The following FGFR1 variants were observed in gnomAD, a reference collection of about 807,000 sequenced individuals.
FGFR1 encodes FGFR1/PLAG1 fusion.
In FGFR1, 18 loss-of-function variants were observed where a neutral mutation model predicts 93.7. The ratio of observed to expected loss-of-function variants is 0.19; its 90% confidence interval spans 0.13 to 0.28. FGFR1 has a LOEUF of 0.28. Among genes scored for constraint, FGFR1 ranks in the 10% least tolerant of loss-of-function variants. FGFR1 has a pLI of 1.00. For missense variants in FGFR1, 731 were observed against 1,080.4 expected (o/e 0.68, Z 4.53); for synonymous variants, 448 against 429.3 (o/e 1.04, Z -0.54).
At chr8:38,422,492 G>A (rs531902777) in intron 7 of FGFR1, among the ~76,000 whole-genome samples, 1 of 152,118 alleles carries the variant, frequency 6.6e-6, no homozygotes, top group South Asian at 2.1e-4. Flanking sequence ...CTGCAGCCTC[G>A]ACCTAAGCTC....
Position 38,429,588 on chromosome 8 carries a change from G to T in FGFR1, c.358+94C>A, listed in dbSNP as rs935613264. 2.2e-6 allele frequency: 3 copies of T among 1,336,022 alleles called. No individual in the cohort carries two copies. Among genetic ancestry groups the T allele is most frequent in the Non-Finnish European group, 3.1e-6 (3 of 963,928 alleles). 82.8% of individuals were successfully genotyped at this position (1,336,022 alleles called of 1,614,324 possible). A position where few individuals can be genotyped will look rare whatever the true frequency, so the allele number is the denominator to read the frequency against. On this transcript the variant is annotated intron_variant, in intron 3 of 17. Transcript: ENST00000447712. This position sits in a 1 kb window ranked among gnomAD's most constrained non-coding sequence, Gnocchi z 4.4. ...CTGAAGCAGAGTGGGGGCAGATCAC[G>T]GAGGGGGAGGAGGTTCACCTTCCTC...
intron 7 of FGFR1, chr8:38,423,291 A>T: frequency 5.5e-6 from 3 of 548,182 alleles, no homozygotes; most frequent in South Asian, 1.9e-5. Context: ...GTTAAGTGAG[A>T]TTTATTACCT....
At chr8:38,423,311 A>AT in intron 7 of FGFR1, 100 of 351,712 alleles carry the variant, frequency 2.8e-4, no homozygotes, top group East Asian at 7.6e-4. Context: ...TTTCCCTTTT[A>AT]GTTTTTTTTT....
intron 9 of FGFR1, 72 bp from the exon 10 acceptor site, chr8:38,418,445 G>GAAAACATATT: frequency 6.5e-7 from 1 of 1,532,190 alleles, no homozygotes. Context: ...TCTTAGTCAG[G>GAAAACATATT]GCTTCCCAAC....
At chr8:38,456,016 C>A (rs1832723985) in intron 2 of FGFR1, among the ~76,000 whole-genome samples, 1 of 152,184 alleles carries the variant, frequency 6.6e-6, no homozygotes, top group African/African-American at 2.4e-5. Flanking sequence ...CATGAATATG[C>A]CTGCTCTAGC....
At position 38,438,005 on chromosome 8, in the gene FGFR1, G is replaced by A. The variant is rs897249995; in HGVS notation, c.92-8057C>T. 5.9e-5 allele frequency among the ~76,000 whole-genome samples: 9 copies of A among 152,118 alleles called. No homozygotes were observed. In the East Asian group the frequency reaches 1.7e-3, roughly 29 times the overall value. On this transcript the variant is annotated intron_variant, in intron 2 of 17. Transcript: ENST00000447712. ...CATGTGCCTTCCCATATATTATCTAGGGATCCATAAACATCTGAGTAAACA... is the reference window on the plus strand; with the variant it reads ...CATGTGCCTTCCCATATATTATCTAAGGATCCATAAACATCTGAGTAAACA...
At chr8:38,414,068 ACT>A in intron 16 of FGFR1, 45 bp from the exon 17 acceptor site, 1 of 1,612,868 alleles carries the variant, frequency 6.2e-7, no homozygotes, top group Non-Finnish European at 8.5e-7. Flanking sequence ...GGAGATGGAT[ACT>A]CTCTAGTCTA....
Position 38,442,362 on chromosome 8 carries a change from G to GGTGTGTGTGTGTGTGTGT in FGFR1, c.92-12432_92-12415dup, listed in dbSNP as rs56889687. 2.3e-3 allele frequency among the ~76,000 whole-genome samples: 335 copies of GGTGTGTGTGTGTGTGTGT among 146,058 alleles called. 3 individuals are homozygous for GGTGTGTGTGTGTGTGTGT. The highest frequency in any genetic ancestry group is 6.8e-3 in the East Asian group (33 of 4,866). On this transcript the variant is annotated intron_variant, in intron 2 of 17. Transcript: ENST00000447712. ...ACATCTTCCACCAAGTTGTTAAAGTGGTGTGTGTGTGTGTGTGTGTGTGTG... is the reference window on the plus strand; with the variant it reads ...ACATCTTCCACCAAGTTGTTAAAGTGGTGTGTGTGTGTGTGTGTGTGTGTGTGTGTGTGTGTGTGTGTG...
Position 38,412,395 on chromosome 8 carries a change from A to G in FGFR1, c.*1233T>C. Reference sequence around the variant, plus strand: ...CTCTACCCCGTGGCTATTCCTAGGTAGGTGCCCCCTCCCCAGCCCAACCCC... The same window carrying G: ...CTCTACCCCGTGGCTATTCCTAGGTGGGTGCCCCCTCCCCAGCCCAACCCC... On this transcript the variant is annotated 3_prime_UTR_variant, in exon 18 of 18. Transcript: ENST00000447712. 4.3e-6 allele frequency: 1 copy of G among 232,708 alleles called. No homozygotes were observed. The highest frequency in any genetic ancestry group is 2.2e-5 in the African/African-American group (1 of 45,412). The allele number at this position is 232,708 out of a possible 1,614,324, so 14.4% of individuals were successfully genotyped here.
chr8:38,453,577 T>A (rs1357082898), intron 2 of FGFR1, among the ~76,000 whole-genome samples: 2 of 152,148 alleles, frequency 1.3e-5, no homozygotes, highest in African/African-American at 4.8e-5. Flanking sequence ...ACAGCAGTCT[T>A]ATTACAATAG....
At chr8:38,432,652 G>C (rs1823603269) in intron 2 of FGFR1, among the ~76,000 whole-genome samples, 1 of 152,134 alleles carries the variant, frequency 6.6e-6, no homozygotes, top group Non-Finnish European at 1.5e-5. Flanking sequence ...TGATCTGCCT[G>C]CCTCGGCCTC....
Position 38,420,929 on chromosome 8 carries a change from G to A in FGFR1, c.1081+868C>T, listed in dbSNP as rs113148666. Reference sequence around the variant, plus strand: ...AGACAACTGATTGGGAGCACATGGGGAGCACGGACAGGACCAAGACAGGGA... The same window carrying A: ...AGACAACTGATTGGGAGCACATGGGAAGCACGGACAGGACCAAGACAGGGA... On this transcript the variant is annotated intron_variant, in intron 8 of 17. Coordinates refer to ENST00000447712, the MANE Select transcript of FGFR1 (RefSeq NM_023110.3). 4.3e-3 allele frequency among the ~76,000 whole-genome samples: 648 copies of A among 152,308 alleles called. 3 individuals are homozygous for A. The highest frequency in any genetic ancestry group is 0.014 in the African/African-American group (566 of 41,572).
intron 2 of FGFR1, among the ~76,000 whole-genome samples, chr8:38,443,786 G>A (rs1828369357): frequency 6.6e-6 from 1 of 152,086 alleles, no homozygotes; most frequent in South Asian, 2.1e-4. Context: ...GGGCTCGGTG[G>A]CTCACGCCTG....
rs1350237414 is a variant in FGFR1, at chr8:38,414,805, T to C, written c.1951A>G (p.Ile651Val). 3 of 1,614,016 alleles carry C rather than the reference T, an allele frequency of 1.9e-6. No individual in the cohort carries two copies. Among genetic ancestry groups the C allele is most frequent in the East Asian group, 2.2e-5 (1 of 44,858 alleles). Residue 651 changes from isoleucine (I) to valine (V), a missense_variant, in exon 14 of 18, where the codon ATC (isoleucine) becomes GTC (valine). By Grantham distance (29) the Ile-to-Val change is conservative (BLOSUM62 3). Around this residue, in one of 10 missense-constraint regions of FGFR1, gnomAD observed 44 missense variants for 99.9 expected, o/e 0.44. Transcript: ENST00000447712. ...TTGGTTGTCTTTTTATAGTAGTCGA[T>C]GTGGTGAATGTCCCGTGCGAGGCCA... ...DFGLARDIHH[I>V]DYYKKTTNGR...
chr8:38,417,450 G>A (rs760896895), intron 11 of FGFR1, 34 bp from the exon 12 acceptor site: 1 of 1,575,806 alleles, frequency 6.3e-7, no homozygotes, highest in Non-Finnish European at 8.7e-7. Flanking sequence ...ATTTACTTGG[G>A]AAGGGAGGAG....
chr8:38,460,738 C>T (rs1443303735), intron 1 of FGFR1, among the ~76,000 whole-genome samples: 1 of 152,192 alleles, frequency 6.6e-6, no homozygotes, highest in Non-Finnish European at 1.5e-5. Flanking sequence ...AGTCAGCATA[C>T]ACCCCATGCC....
At chr8:38,436,471 G>A (rs1409352755) in intron 2 of FGFR1, among the ~76,000 whole-genome samples, 1 of 152,166 alleles carries the variant, frequency 6.6e-6, no homozygotes, top group East Asian at 1.9e-4. Context: ...GGGAAGGTCA[G>A]GGTTAGGGTT....
rs1214668129 is a variant in FGFR1, at chr8:38,412,680, C to G, written c.*948G>C. ...CCTAGCCCCAGGGCCCGTGGGTGTCCCTTCTTTCCAGTGGACATTCCCACC... is the reference window on the plus strand; with the variant it reads ...CCTAGCCCCAGGGCCCGTGGGTGTCGCTTCTTTCCAGTGGACATTCCCACC... On this transcript the variant is annotated 3_prime_UTR_variant, in exon 18 of 18. Coordinates refer to ENST00000447712, the MANE Select transcript of FGFR1 (RefSeq NM_023110.3). 4.3e-6 allele frequency: 1 copy of G among 233,556 alleles called. No individual in the cohort carries two copies. The highest frequency in any genetic ancestry group is 2.2e-5 in the African/African-American group (1 of 45,316). The allele number at this position is 233,556 out of a possible 1,614,324, so 14.5% of individuals were successfully genotyped here.
chr8:38,446,544 C>T (rs573791896), intron 2 of FGFR1, among the ~76,000 whole-genome samples: 1 of 150,362 alleles, frequency 6.7e-6, no homozygotes, highest in East Asian at 2.0e-4. Context: ...TCCCGAGTAG[C>T]TGGGATTACA....
Sources: allele counts gnomAD v4.1 joint callset (sites outside exome capture counted in the v4.1 genomes callset), GRCh38; gene constraint gnomAD v4.1.1; regional missense constraint gnomAD v4.1.1; non-coding constraint Gnocchi (gnomAD v3.1); transcripts MANE v1.5; gene names NCBI Gene and HGNC (gene_info 2026-07-23, HGNC 2026-07-21).